Variants in RAP1GAP2 observed in about 807,000 individuals in gnomAD.
RAP1GAP2 encodes the protein rap1 GTPase-activating protein 2.
In RAP1GAP2, 27 loss-of-function variants were observed where a neutral mutation model predicts 95.0. The observed-to-expected ratio is 0.28, with a 90% CI of 0.21 to 0.39. The LOEUF is 0.39. RAP1GAP2 is among the 10% of genes least tolerant of loss of function. The pLI is 1.00. For missense variants in RAP1GAP2, 771 were observed against 970.0 expected (o/e 0.79, Z 2.72); for synonymous variants, 373 against 380.9 (o/e 0.98, Z 0.24).
chr17:2,892,072 T>C (rs1385676851), intron 2 of RAP1GAP2, among the ~76,000 whole-genome samples: 83 of 151,998 alleles, frequency 5.5e-4, no homozygotes, highest in Admixed American at 8.5e-4. Context: ...GATCTGCCTG[T>C]CTCGACCTCC....
At chr17:2,938,922 G>A (rs2043387926) in intron 3 of RAP1GAP2, among the ~76,000 whole-genome samples, 1 of 152,064 alleles carries the variant, frequency 6.6e-6, no homozygotes, top group African/African-American at 2.4e-5. Flanking sequence ...GGAGGCAGAG[G>A]TTGTAGTGTG....
Position 2,962,688 on chromosome 17 carries a change from C to A in RAP1GAP2, c.220C>A (p.Gln74Lys). The A allele has an allele frequency of 6.3e-7, 1 of 1,593,860 alleles. No individual in the cohort carries two copies. The highest frequency in any genetic ancestry group is 8.5e-7 in the Non-Finnish European group (1 of 1,171,994). ...TCTATAGGGGATCAAGCTTGAAGAGCAGAAGCCGGGACCCCAGAAGAACAA... is the reference window on the plus strand; with the variant it reads ...TCTATAGGGGATCAAGCTTGAAGAGAAGAAGCCGGGACCCCAGAAGAACAA... ...EKMQGIKLEE[Q>K]KPGPQKNKDD... Residue 74 changes from glutamine to lysine, a missense_variant, in exon 5 of 25, where the codon CAG (glutamine) becomes AAG (lysine). Gln to Lys is a moderately conservative substitution (Grantham distance 53, BLOSUM62 1). Transcript: ENST00000254695.
intron 1 of RAP1GAP2, among the ~76,000 whole-genome samples, chr17:2,787,915 A>G (rs1183199855): frequency 2.0e-5 from 3 of 152,174 alleles, no homozygotes; most frequent in Admixed American, 2.0e-4. Flanking sequence ...TCATATATTA[A>G]CATATATTAA....
chr17:2,982,403 C>T (rs1028113250), intron 10 of RAP1GAP2, among the ~76,000 whole-genome samples: 1 of 152,166 alleles, frequency 6.6e-6, no homozygotes, highest in African/African-American at 2.4e-5. Flanking sequence ...TCCCAAAGTG[C>T]TGGGATTACA....
chr17:3,030,455 G>A (rs576898123), intron 22 of RAP1GAP2, among the ~76,000 whole-genome samples: 3 of 152,234 alleles, frequency 2.0e-5, no homozygotes, highest in African/African-American at 7.2e-5. Flanking sequence ...TTTGTAGCAT[G>A]TACCAGTTTC....
chr17:2,850,150 G>A (rs1293676394), intron 2 of RAP1GAP2, among the ~76,000 whole-genome samples: 6 of 151,382 alleles, frequency 4.0e-5, no homozygotes, highest in East Asian at 2.0e-4. Context: ...ACAGGCACCC[G>A]CCACCACGCC....
At chr17:2,910,211 G>A (rs1264618619) in intron 3 of RAP1GAP2, among the ~76,000 whole-genome samples, 3 of 152,202 alleles carry the variant, frequency 2.0e-5, no homozygotes, top group East Asian at 1.9e-4. Flanking sequence ...CTGGCTTAGG[G>A]TGGGGACCTG....
intron 8 of RAP1GAP2, among the ~76,000 whole-genome samples, chr17:2,968,979 T>C (rs2044731781): frequency 6.6e-6 from 1 of 152,030 alleles, no homozygotes; most frequent in Non-Finnish European, 1.5e-5. Context: ...AATAATGATA[T>C]TTTATATTGT....
intron 8 of RAP1GAP2, among the ~76,000 whole-genome samples, chr17:2,979,341 A>G (rs550312247): frequency 1.3e-5 from 2 of 152,336 alleles, no homozygotes; most frequent in African/African-American, 2.4e-5. Context: ...AAATATATCC[A>G]GAAGCTGTGC....
At chr17:2,939,679 C>G (rs898419829) in intron 3 of RAP1GAP2, among the ~76,000 whole-genome samples, 7 of 152,224 alleles carry the variant, frequency 4.6e-5, no homozygotes, top group African/African-American at 1.7e-4. Context: ...GTTGAGAACT[C>G]ACTCAGGGCA....
At chr17:2,962,506 C>A (rs906322845) in intron 4 of RAP1GAP2, 164 bp from the exon 5 acceptor site, 48 of 673,358 alleles carry the variant, frequency 7.1e-5, no homozygotes, top group Non-Finnish European at 1.1e-4. Flanking sequence ...CCTGAGGCTG[C>A]TGTGAGGCCC....
At position 2,904,060 on chromosome 17, in the gene RAP1GAP2, C is replaced by G. The variant is rs1334136270; in HGVS notation, c.81-1224C>G. The stretch of plus-strand genomic sequence containing the variant: ...GCAGGACCTGGGGGTTGGGCTGACT[C>G]TCTCTGCTGCTTCAGAGCGGGGCTG... On this transcript the variant is annotated intron_variant, in intron 2 of 24. Coordinates refer to ENST00000254695, the MANE Select transcript of RAP1GAP2 (RefSeq NM_015085.5). The surrounding 1 kb of genome is among the most constrained non-coding windows in gnomAD (Gnocchi z 4.7). 6.6e-6 allele frequency among the ~76,000 whole-genome samples: 1 copy of G among 152,202 alleles called. No individual in the cohort carries two copies. The highest frequency in any genetic ancestry group is 2.4e-5 in the African/African-American group (1 of 41,446).
intron 12 of RAP1GAP2, among the ~76,000 whole-genome samples, chr17:2,994,961 G>A (rs1438897972): frequency 6.6e-6 from 1 of 151,688 alleles, no homozygotes; most frequent in African/African-American, 2.4e-5. Flanking sequence ...TTATAGGCAT[G>A]CACCACCATA....
chr17:2,807,673 G>T (rs1422896851), intron 2 of RAP1GAP2, among the ~76,000 whole-genome samples: 2 of 152,172 alleles, frequency 1.3e-5, no homozygotes, highest in African/African-American at 4.8e-5. Flanking sequence ...GCGTGAAGCA[G>T]CTTCAGCAGG....
intron 2 of RAP1GAP2, among the ~76,000 whole-genome samples, chr17:2,813,885 C>T (rs1567671797): frequency 6.6e-6 from 1 of 152,114 alleles, no homozygotes; most frequent in African/African-American, 2.4e-5. Flanking sequence ...ATCACTTAAA[C>T]CCGGGAGGCG....
chr17:2,936,618 G>C (rs1257342133), intron 3 of RAP1GAP2, among the ~76,000 whole-genome samples: 1 of 152,082 alleles, frequency 6.6e-6, no homozygotes, highest in African/African-American at 2.4e-5. Context: ...CCCCAAAATG[G>C]ATGATCATGA....
At chr17:2,787,713 G>A (rs984868278) in intron 1 of RAP1GAP2, among the ~76,000 whole-genome samples, 5 of 152,060 alleles carry the variant, frequency 3.3e-5, no homozygotes, top group Non-Finnish European at 7.4e-5. Context: ...GAATACAGGC[G>A]CATGCCGCCA....
At position 2,855,393 on chromosome 17, in the gene RAP1GAP2, T is replaced by C. The variant is rs1162326892; in HGVS notation, c.81-49891T>C. 6.6e-6 allele frequency among the ~76,000 whole-genome samples: 1 copy of C among 152,226 alleles called. No homozygotes were observed. Among genetic ancestry groups the C allele is most frequent in the Non-Finnish European group, 1.5e-5 (1 of 68,048 alleles). ...ACACATTTTAAACACTTGCTAATCT[T>C]CCTTTTGTAATTAAGAGAGAGCAGA... is the stretch of plus-strand genomic sequence containing the variant. On this transcript the variant is annotated intron_variant, in intron 2 of 24. Transcript: ENST00000254695. The surrounding 1 kb of genome is among the most constrained non-coding windows in gnomAD (Gnocchi z 4.3).
In RAP1GAP2 at chr17:2,870,933, TA is replaced by T. The variant is rs1358003818; in HGVS notation, c.81-34348del. Reference sequence around the variant, plus strand: ...TCCATGGTTGTAGATCCTTGTGGGCTAAACGTTTCATTTTATTTTATTATTA... The same window carrying T: ...TCCATGGTTGTAGATCCTTGTGGGCTAACGTTTCATTTTATTTTATTATTA... On this transcript the variant is annotated intron_variant, in intron 2 of 24. Coordinates refer to ENST00000254695, the MANE Select transcript of RAP1GAP2 (RefSeq NM_015085.5). This position sits in a 1 kb window ranked among gnomAD's most constrained non-coding sequence, Gnocchi z 4.4. Among the ~76,000 whole-genome samples, 3 of 152,186 alleles carry T rather than the reference TA, an allele frequency of 2.0e-5. No homozygotes were observed. Among genetic ancestry groups the T allele is most frequent in the Non-Finnish European group, 4.4e-5 (3 of 68,046 alleles).
Sources: allele counts gnomAD v4.1 joint callset (sites outside exome capture counted in the v4.1 genomes callset), GRCh38; gene constraint gnomAD v4.1.1; non-coding constraint Gnocchi (gnomAD v3.1); transcripts MANE v1.5; gene names NCBI Gene and HGNC (gene_info 2026-07-23, HGNC 2026-07-21).